Variants in NSD1 observed in about 807,000 individuals in gnomAD.
NSD1 encodes the protein histone-lysine N-methyltransferase, H3 lysine-36 specific.
A neutral mutation model predicts 242.7 loss-of-function variants in NSD1; 26 were observed. The observed-to-expected ratio is 0.11, with a 90% CI of 0.08 to 0.15. The LOEUF (loss-of-function observed/expected upper bound fraction) is 0.15, where lower values mean the gene tolerates loss of function less well. Among genes scored for constraint, NSD1 ranks in the 10% least tolerant of loss-of-function variants. The probability of loss-of-function intolerance (pLI) is 1.00; values close to 1 mark genes in which losing one functional copy is unlikely to be tolerated. For synonymous variants in NSD1, 1,106 were observed against 1,178.1 expected (o/e 0.94, Z 1.25); for missense variants, 2,495 against 3,272.8 (o/e 0.76, Z 5.80).
intron 5 of NSD1, among the ~76,000 whole-genome samples, chr5:177,234,897 G>A (rs114227069): frequency 0.018 from 2,775 of 152,110 alleles, 33 homozygotes; most frequent in Non-Finnish European, 0.028. Context: ...AAATAAAACA[G>A]TATACAGTAA....
intron 17 of NSD1, among the ~76,000 whole-genome samples, chr5:177,274,153 C>A (rs1758165489): frequency 1.3e-5 from 2 of 151,870 alleles, no homozygotes; most frequent in Admixed American, 6.6e-5. Flanking sequence ...GACTCCGTCT[C>A]CAAAAAAAAG....
chr5:177,268,221 G>A (rs947108135), intron 15 of NSD1, among the ~76,000 whole-genome samples: 2 of 150,598 alleles, frequency 1.3e-5, no homozygotes, highest in Admixed American at 1.3e-4. Flanking sequence ...GGATCCTGCC[G>A]CCTCAGCCTC....
At chr5:177,221,193 A>C (rs777444031) in intron 5 of NSD1, among the ~76,000 whole-genome samples, 1 of 151,948 alleles carries the variant, frequency 6.6e-6, no homozygotes, top group Non-Finnish European at 1.5e-5. Flanking sequence ...TTTTTTGTTA[A>C]AGTAATTACA....
intron 2 of NSD1, among the ~76,000 whole-genome samples, chr5:177,142,742 G>A (rs1311779139): frequency 6.6e-6 from 1 of 152,002 alleles, no homozygotes; most frequent in Non-Finnish European, 1.5e-5. Context: ...TTTCCTTCCA[G>A]TCTATCCTGT....
chr5:177,229,449 G>A (rs1053593734), intron 5 of NSD1, among the ~76,000 whole-genome samples: 1 of 152,148 alleles, frequency 6.6e-6, no homozygotes, highest in Non-Finnish European at 1.5e-5. Flanking sequence ...ATTAAGGTTT[G>A]CATAATTACT....
intron 3 of NSD1, among the ~76,000 whole-genome samples, chr5:177,199,452 TC>T (rs1762345128): frequency 6.6e-6 from 1 of 152,172 alleles, no homozygotes. Context: ...AGACAGGGTC[TC>T]CCTGTATTGC....
intron 3 of NSD1, among the ~76,000 whole-genome samples, chr5:177,198,012 T>C (rs13170611): frequency 6.6e-6 from 1 of 152,062 alleles, no homozygotes; most frequent in Non-Finnish European, 1.5e-5. Flanking sequence ...TTTATTTTAA[T>C]ATTAGTCTTA....
At chr5:177,217,720 T>G (rs1763895440) in intron 5 of NSD1, among the ~76,000 whole-genome samples, 2 of 148,916 alleles carry the variant, frequency 1.3e-5, no homozygotes, top group South Asian at 4.3e-4. Flanking sequence ...CATGATGGAG[T>G]GCAGTGGCGC....
chr5:177,193,132 G>T (rs1045997101), intron 3 of NSD1, among the ~76,000 whole-genome samples: 1 of 151,960 alleles, frequency 6.6e-6, no homozygotes, highest in Admixed American at 6.6e-5. Context: ...GCTGAAACTT[G>T]ATTTATTTTT....
intron 13 of NSD1, among the ~76,000 whole-genome samples, chr5:177,259,693 C>T (rs1250227375): frequency 6.6e-6 from 1 of 152,132 alleles, no homozygotes; most frequent in Non-Finnish European, 1.5e-5. Flanking sequence ...TCCCCTCTCC[C>T]TATTTATTCT....
At chr5:177,257,973 C>CTTTTTTTTTTTTTTTT (rs35034666) in intron 13 of NSD1, among the ~76,000 whole-genome samples, 1 of 52,550 alleles carries the variant, frequency 1.9e-5, no homozygotes, top group Non-Finnish European at 3.2e-5. Context: ...CCCCCTGGGC[C>CTTTTTTTTTTTTTTTT]TTTTTTTTTT....
intron 2 of NSD1, among the ~76,000 whole-genome samples, chr5:177,165,819 C>G (rs1468615199): frequency 6.6e-6 from 1 of 152,064 alleles, no homozygotes; most frequent in Non-Finnish European, 1.5e-5. Flanking sequence ...CTGTGTTGCC[C>G]AGGCTGGGCT....
intron 11 of NSD1, among the ~76,000 whole-genome samples, chr5:177,249,452 A>ATTTAT (rs1562256951): frequency 6.6e-6 from 1 of 150,402 alleles, no homozygotes; most frequent in African/African-American, 2.4e-5. Flanking sequence ...TTTTTTATTA[A>ATTTAT]TTAATTATTT....
At chr5:177,228,541 C>G (rs1353702910) in intron 5 of NSD1, among the ~76,000 whole-genome samples, 1 of 151,852 alleles carries the variant, frequency 6.6e-6, no homozygotes, top group Non-Finnish European at 1.5e-5. Context: ...TAGATTGCCA[C>G]TATTAGGAAT....
upstream of NSD1, chr5:177,133,761 T>C (rs1219118289): frequency 2.2e-5 from 3 of 135,736 alleles, no homozygotes; most frequent in South Asian, 2.4e-4. This position sits in a 1 kb window ranked among gnomAD's most constrained non-coding sequence, Gnocchi z 6.2. Context: ...GCGGTGGGGG[T>C]GTGAGGAGGA....
chr5:177,263,002 C>T (rs1757112735), intron 14 of NSD1, among the ~76,000 whole-genome samples: 1 of 151,944 alleles, frequency 6.6e-6, no homozygotes, highest in Non-Finnish European at 1.5e-5. Flanking sequence ...AGAATGCAAC[C>T]TTTTGTCTTT....
rs1196671565 is a variant in NSD1, at chr5:177,209,987, C to G, written c.1588C>G (p.Pro530Ala). The G allele has an allele frequency of 1.9e-6, 3 of 1,614,092 alleles. No individual in the cohort carries two copies. The highest frequency in any genetic ancestry group is 1.7e-6 in the Non-Finnish European group (2 of 1,180,014). ...TAAAGATGAACGGAGGGGAAAGATT[C>G]CAGAGAACCTTGGCCTAAACTTTAT... Reference protein sequence around the residue: ...AHKDERRGKIPENLGLNFISG... With the variant: ...AHKDERRGKIAENLGLNFISG... Residue 530 changes from proline to alanine, a missense_variant, in exon 5 of 23, where the codon CCA becomes GCA. Physicochemically the swap from Pro to Ala is conservative, Grantham distance 27 (BLOSUM62 -1). This residue lies in a region of NSD1 where 515 missense variants were observed against 467.0 expected (regional missense o/e 1.10). Transcript: ENST00000439151.
At chr5:177,153,852 A>G (rs993049465) in intron 2 of NSD1, among the ~76,000 whole-genome samples, 4 of 152,170 alleles carry the variant, frequency 2.6e-5, no homozygotes, top group African/African-American at 9.7e-5. Context: ...TTTTTTGAGA[A>G]CATAAGTTTT....
At chr5:177,181,544 G>A (rs905016476) in intron 2 of NSD1, among the ~76,000 whole-genome samples, 4 of 147,048 alleles carry the variant, frequency 2.7e-5, no homozygotes, top group East Asian at 2.1e-4. Context: ...TCCTGCCTCA[G>A]CCTCCTGAAT....
Sources: allele counts gnomAD v4.1 joint callset (sites outside exome capture counted in the v4.1 genomes callset), GRCh38; gene constraint gnomAD v4.1.1; regional missense constraint gnomAD v4.1.1; non-coding constraint Gnocchi (gnomAD v3.1); transcripts MANE v1.5; gene names NCBI Gene and HGNC (gene_info 2026-07-23, HGNC 2026-07-21).